The following COL5A2 variants were observed in gnomAD, a reference collection of about 807,000 sequenced individuals.
The protein encoded by COL5A2 is collagen alpha-2(V) chain.
COL5A2 carries 23 observed loss-of-function variants against 208.2 expected under a neutral mutation model. The observed-to-expected ratio is 0.11, with a 90% CI of 0.08 to 0.16. The LOEUF (loss-of-function observed/expected upper bound fraction) is 0.16. Among genes scored for constraint, COL5A2 ranks in the 10% least tolerant of loss-of-function variants. The pLI is 1.00. For synonymous variants in COL5A2, 625 were observed against 628.5 expected (o/e 0.99, Z 0.08); for missense variants, 1,590 against 1,956.4 (o/e 0.81, Z 3.53).
intron 1 of COL5A2, among the ~76,000 whole-genome samples, chr2:189,137,882 T>A (rs977031001): frequency 2.6e-5 from 4 of 152,190 alleles, no homozygotes; most frequent in Non-Finnish European, 5.9e-5. Flanking sequence ...CTCAATTGTT[T>A]GATGTTAATG....
At chr2:189,419,861 TGAGAGGAGAGGAGGAGGAGGAGGAGAG>T in the COL5A2 span, among the ~76,000 whole-genome samples, 1 of 105,614 alleles carries the variant, frequency 9.5e-6, no homozygotes, top group Non-Finnish European at 1.9e-5. Flanking sequence ...GGAAAAGAGG[TGAGAGGAGAGGAGGAGGAGGAGGAGAG>T]GAGAGGAGAG....
In COL5A2 at chr2:189,085,151, G is replaced by A. The variant is rs908729387; in HGVS notation, c.798+9C>T. On this transcript the variant is annotated intron_variant, in intron 11 of 53. Coordinates refer to ENST00000374866, the MANE Select transcript of COL5A2 (RefSeq NM_000393.5). The stretch of plus-strand genomic sequence containing the variant: ...AAACCTGAATGGAAAATGAGGAAAG[G>A]TAGCTTACATCTTCCCCAGGTTTAC... 5 of 1,610,294 alleles carry A rather than the reference G, an allele frequency of 3.1e-6. No homozygotes were observed. Among genetic ancestry groups the A allele is most frequent in the South Asian group, 1.1e-5 (1 of 90,552 alleles).
chr2:189,311,366 A>G, the COL5A2 span: 1 of 956,804 alleles, frequency 1.0e-6, no homozygotes, highest in Non-Finnish European at 1.7e-6. Context: ...GCTGCTGTCC[A>G]GGGCATCACC....
the COL5A2 span, among the ~76,000 whole-genome samples, chr2:189,304,156 T>C: frequency 6.6e-6 from 1 of 152,210 alleles, no homozygotes; most frequent in African/African-American, 2.4e-5. Flanking sequence ...AATAGTCACA[T>C]TGTTCAACTG....
intron 44 of COL5A2, 67 bp from the exon 45 acceptor site, chr2:189,048,329 C>T: frequency 7.2e-7 from 1 of 1,397,802 alleles, no homozygotes; most frequent in East Asian, 2.3e-5. Context: ...TTCCAATTGT[C>T]AAAAAATGAC....
At chr2:189,419,051 C>A in the COL5A2 span, among the ~76,000 whole-genome samples, 1 of 152,142 alleles carries the variant, frequency 6.6e-6, no homozygotes, top group Non-Finnish European at 1.5e-5. Flanking sequence ...ATACACAGAG[C>A]CCATCAGGAA....
chr2:189,306,806 A>G, the COL5A2 span, among the ~76,000 whole-genome samples: 43 of 152,352 alleles, frequency 2.8e-4, 1 homozygote, highest in African/African-American at 9.6e-4. Flanking sequence ...TTCAAAGTAC[A>G]AGAGTTTATC....
intron 1 of COL5A2, among the ~76,000 whole-genome samples, chr2:189,195,387 C>T (rs918975308): frequency 1.3e-5 from 2 of 152,140 alleles, no homozygotes; most frequent in Non-Finnish European, 2.9e-5. Flanking sequence ...GGCCATGCTG[C>T]CCAAAGTAAT....
chr2:189,297,480 T>G, the COL5A2 span, among the ~76,000 whole-genome samples: 2 of 152,204 alleles, frequency 1.3e-5, no homozygotes, highest in Non-Finnish European at 2.9e-5. Context: ...ATACCTACTA[T>G]GTACTCAAAA....
chr2:189,169,435 T>C (rs1247145460), intron 1 of COL5A2, among the ~76,000 whole-genome samples: 10 of 152,164 alleles, frequency 6.6e-5, no homozygotes, highest in Non-Finnish European at 1.5e-5. Flanking sequence ...TCTTTTTTTG[T>C]ATTAGTAAAC....
the COL5A2 span, among the ~76,000 whole-genome samples, chr2:189,364,395 T>C: frequency 6.6e-6 from 1 of 152,070 alleles, no homozygotes; most frequent in Non-Finnish European, 1.5e-5. Flanking sequence ...GATTAAGAAG[T>C]ATATAGCAAG....
At chr2:189,314,830 G>A in the COL5A2 span, among the ~76,000 whole-genome samples, 2 of 152,034 alleles carry the variant, frequency 1.3e-5, no homozygotes, top group Admixed American at 6.6e-5. Context: ...AGAAAATCTA[G>A]AAAAAATAGA....
intron 1 of COL5A2, among the ~76,000 whole-genome samples, chr2:189,125,486 C>T (rs2105743717): frequency 6.6e-6 from 1 of 152,176 alleles, no homozygotes; most frequent in African/African-American, 2.4e-5. Context: ...TTCCTCCCAC[C>T]TCTGCCACCC....
chr2:189,296,117 A>G, the COL5A2 span, among the ~76,000 whole-genome samples: 1 of 152,118 alleles, frequency 6.6e-6, no homozygotes, highest in Non-Finnish European at 1.5e-5. Flanking sequence ...AATGCTCCAC[A>G]AGCACTAAGG....
the COL5A2 span, among the ~76,000 whole-genome samples, chr2:189,419,919 AAGG>A: frequency 6.4e-5 from 9 of 141,700 alleles, no homozygotes; most frequent in Non-Finnish European, 1.4e-4. Context: ...GGAGGAGAAG[AAGG>A]AGAGGGGAGG....
chr2:189,418,702 A>C, the COL5A2 span, among the ~76,000 whole-genome samples: 3 of 152,288 alleles, frequency 2.0e-5, no homozygotes, highest in Admixed American at 6.5e-5. Context: ...CCAGAGCACA[A>C]TTATCCTGAT....
the COL5A2 span, among the ~76,000 whole-genome samples, chr2:189,358,995 T>C: frequency 1.3e-5 from 2 of 152,180 alleles, no homozygotes; most frequent in South Asian, 2.1e-4. Context: ...ATTTCCTATA[T>C]ATAAGATCAA....
At chr2:189,161,623 C>T (rs1688366260) in intron 1 of COL5A2, among the ~76,000 whole-genome samples, 1 of 152,182 alleles carries the variant, frequency 6.6e-6, no homozygotes, top group Non-Finnish European at 1.5e-5. Context: ...AGAAAAAGCA[C>T]TTAATTTTGA....
chr2:189,111,596 C>T (rs1268335410), intron 1 of COL5A2, among the ~76,000 whole-genome samples: 3 of 152,124 alleles, frequency 2.0e-5, no homozygotes, highest in African/African-American at 4.8e-5. Flanking sequence ...ATTAGACTTC[C>T]TTTACCCAAC....
Sources: allele counts gnomAD v4.1 joint callset (sites outside exome capture counted in the v4.1 genomes callset), GRCh38; gene constraint gnomAD v4.1.1; transcripts MANE v1.5; gene names NCBI Gene and HGNC (gene_info 2026-07-23, HGNC 2026-07-21).